The following ABI3BP variants were observed in gnomAD, a reference collection of about 807,000 sequenced individuals.
The protein encoded by ABI3BP is target of Nesh-SH3.
Under a neutral mutation model 268.6 loss-of-function variants are expected in ABI3BP, and 216 were observed. That is an observed-to-expected ratio of 0.80 (90% CI 0.72 to 0.90). ABI3BP has a LOEUF of 0.90. Ranked by LOEUF, ABI3BP falls within the 40% of genes least tolerant of loss-of-function variation. ABI3BP has a pLI of 0.00. For missense variants in ABI3BP, 2,090 were observed against 2,182.4 expected (o/e 0.96, Z 0.84); for synonymous variants, 730 against 730.0 (o/e 1.00, Z 0.00).
intron 54 of ABI3BP, 54 bp from the exon 55 acceptor site, chr3:100,792,822 G>T: frequency 1.3e-6 from 2 of 1,494,852 alleles, no homozygotes; most frequent in South Asian, 2.3e-5. Flanking sequence ...TTATGAATAT[G>T]ACCAAAAAAA....
intron 56 of ABI3BP, among the ~76,000 whole-genome samples, chr3:100,788,073 G>T (rs1344500006): frequency 6.6e-6 from 1 of 152,114 alleles, no homozygotes; most frequent in African/African-American, 2.4e-5. Context: ...AATCCGAAGT[G>T]GGAAAGATCT....
chr3:100,764,951 A>G (rs888102034), intron 63 of ABI3BP, among the ~76,000 whole-genome samples: 18 of 152,310 alleles, frequency 1.2e-4, no homozygotes, highest in African/African-American at 3.8e-4. Context: ...ACTAGTTTAT[A>G]CACAGTGAAC....
intron 4 of ABI3BP, among the ~76,000 whole-genome samples, chr3:100,893,973 A>T (rs565007267): frequency 1.3e-5 from 2 of 152,104 alleles, no homozygotes; most frequent in African/African-American, 4.8e-5. Context: ...TTGATAAAGG[A>T]TAGTCTAGAT....
At chr3:100,781,395 A>G (rs184320467) in intron 57 of ABI3BP, among the ~76,000 whole-genome samples, 1 of 152,290 alleles carries the variant, frequency 6.6e-6, no homozygotes, top group Admixed American at 6.5e-5. Context: ...ACATAAAATC[A>G]TGGAGAAAAT....
At chr3:100,879,635 T>C (rs939998258) in intron 6 of ABI3BP, among the ~76,000 whole-genome samples, 2 of 152,190 alleles carry the variant, frequency 1.3e-5, no homozygotes, top group African/African-American at 4.8e-5. Context: ...GAGTTCTGAC[T>C]CCAGTACAGA....
At chr3:100,927,747 C>G (rs962396194) in intron 1 of ABI3BP, among the ~76,000 whole-genome samples, 1 of 152,208 alleles carries the variant, frequency 6.6e-6, no homozygotes, top group African/African-American at 2.4e-5. Context: ...TCCCACCAGG[C>G]CTTACCTCTA....
Position 100,804,845 on chromosome 3 carries a change from A to C in ABI3BP, c.3704T>G (p.Val1235Gly). 6.2e-7 allele frequency: 1 copy of C among 1,613,062 alleles called. No individual in the cohort carries two copies. Among genetic ancestry groups the C allele is most frequent in the Non-Finnish European group, 8.5e-7 (1 of 1,179,178 alleles). The change falls in exon 51 of 68, where the codon GTT becomes GGT. Residue 1235 changes from valine (V) to glycine (G), a missense_variant. Val to Gly is a moderately radical substitution (Grantham distance 109). Transcript: ENST00000471714. ...TGGTGACGTTTTTGGTTTTGCAGTAACACGCTGGGGCACCTTAGGAACTGA... is the reference window on the plus strand; with the variant it reads ...TGGTGACGTTTTTGGTTTTGCAGTACCACGCTGGGGCACCTTAGGAACTGA... Reference protein sequence around the residue: ...TQPVPKVPQRVTAKPKTSPSP... With the variant: ...TQPVPKVPQRGTAKPKTSPSP...
chr3:100,821,254 A>C, intron 38 of ABI3BP, 141 bp from the exon 39 acceptor site: 1 of 697,254 alleles, frequency 1.4e-6, no homozygotes, highest in Non-Finnish European at 2.3e-6. Flanking sequence ...AAAACTAAAA[A>C]AGTAGACAGT....
chr3:100,962,729 T>A (rs555906324), intron 1 of ABI3BP, among the ~76,000 whole-genome samples: 1 of 152,300 alleles, frequency 6.6e-6, no homozygotes, highest in Admixed American at 6.5e-5. Context: ...GTCCTTTCTG[T>A]CTCTCCATAA....
chr3:100,924,452 T>A (rs1391033841), intron 2 of ABI3BP, among the ~76,000 whole-genome samples: 1 of 152,190 alleles, frequency 6.6e-6, no homozygotes, highest in Non-Finnish European at 1.5e-5. Context: ...GAAACATTTT[T>A]AGATAAAGAA....
chr3:100,894,315 T>C (rs2046137154), intron 4 of ABI3BP, among the ~76,000 whole-genome samples: 1 of 152,178 alleles, frequency 6.6e-6, no homozygotes, highest in African/African-American at 2.4e-5. Flanking sequence ...GAGTTTAATC[T>C]TGTCATGTTG....
chr3:100,885,357 T>C (rs1196981650), intron 6 of ABI3BP, among the ~76,000 whole-genome samples, 179 bp downstream of exon 6: 2 of 152,098 alleles, frequency 1.3e-5, no homozygotes, highest in African/African-American at 4.8e-5. Flanking sequence ...AGAGATGATT[T>C]GAAATCATGC....
At chr3:100,765,721 G>C (rs1167608545) in intron 63 of ABI3BP, 120 bp downstream of exon 63, 10 of 738,788 alleles carry the variant, frequency 1.4e-5, no homozygotes, top group South Asian at 5.4e-5. Context: ...GAAAACCCAA[G>C]AGTGAAATGG....
chr3:100,812,841 G>A (rs887109623), intron 45 of ABI3BP, among the ~76,000 whole-genome samples: 2 of 152,092 alleles, frequency 1.3e-5, no homozygotes, highest in African/African-American at 4.8e-5. Flanking sequence ...TAAATGTCAG[G>A]AAGTAGCAAC....
At chr3:100,823,067 G>T (rs1456481249) in intron 37 of ABI3BP, among the ~76,000 whole-genome samples, 2 of 151,870 alleles carry the variant, frequency 1.3e-5, no homozygotes, top group Non-Finnish European at 1.5e-5. Context: ...CCTTATTAGA[G>T]ACAAAACAAT....
At chr3:100,981,367 G>A (rs2089349688) in intron 1 of ABI3BP, among the ~76,000 whole-genome samples, 1 of 152,176 alleles carries the variant, frequency 6.6e-6, no homozygotes, top group South Asian at 2.1e-4. Context: ...GCTGGGGGTG[G>A]AAGCCAGGAG....
intron 1 of ABI3BP, among the ~76,000 whole-genome samples, chr3:100,961,000 G>A (rs1346289298): frequency 1.3e-5 from 2 of 152,194 alleles, no homozygotes; most frequent in African/African-American, 4.8e-5. Context: ...AGAGCTGTAA[G>A]ATAATAAATT....
intron 1 of ABI3BP, among the ~76,000 whole-genome samples, chr3:100,973,266 C>T (rs2084567947): frequency 6.6e-6 from 1 of 152,100 alleles, no homozygotes; most frequent in Non-Finnish European, 1.5e-5. Flanking sequence ...TAAACAGAAA[C>T]ACACATAAAA....
rs1377709803 is a variant in ABI3BP at position 100,832,272 on chromosome 3, G to A, written c.2393C>T (p.Thr798Ile). The A allele has an allele frequency of 1.3e-6, 2 of 1,535,352 alleles. No individual in the cohort carries two copies. Among genetic ancestry groups the A allele is most frequent in the African/African-American group, 1.4e-5 (1 of 72,986 alleles). Residue 798 changes from threonine to isoleucine, a missense_variant, in exon 31 of 68, where the codon ACT (threonine) becomes ATT (isoleucine). Thr to Ile is a moderately conservative substitution (Grantham distance 89). Transcript: ENST00000471714. The part of the protein sequence containing the change: ...KTTPHPEVPQ[T>I]KLVPATILEP... ...AGAAACTACATATTTACCCAGTTTA[G>A]TTTGAGGTACTTCTGGATGGGGCGT...
Sources: gnomAD v4.1 joint callset for allele counts (sites outside exome capture counted in the v4.1 genomes callset) on GRCh38, gnomAD v4.1.1 for gene constraint, MANE v1.5 for transcripts, NCBI Gene and HGNC (gene_info 2026-07-23, HGNC 2026-07-21) for gene names.